Variants in KCNE2 observed in about 807,000 individuals in gnomAD.
KCNE2 encodes potassium voltage-gated channel subfamily E member 2.
In KCNE2, 4 loss-of-function variants were observed where a neutral mutation model predicts 4.5. That is an observed-to-expected ratio of 0.89 (90% CI 0.44 to 2.03). The LOEUF is 2.03. KCNE2 is among the 30% of genes most tolerant of loss of function. The pLI is 0.03. For synonymous variants in KCNE2, 57 were observed against 55.9 expected (o/e 1.02, Z -0.09); for missense variants, 137 against 151.4 (o/e 0.90, Z 0.50).
At chr21:34,367,003 GA>G (rs1157856727) in intron 1 of KCNE2, among the ~76,000 whole-genome samples, 1 of 130,620 alleles carries the variant, frequency 7.7e-6, no homozygotes, top group Non-Finnish European at 1.6e-5. Flanking sequence ...AAAAAAAAAG[GA>G]AAAAAACAAA....
chr21:34,365,699 A>G (rs1359814609), intron 1 of KCNE2, among the ~76,000 whole-genome samples: 1 of 152,244 alleles, frequency 6.6e-6, no homozygotes, highest in African/African-American at 2.4e-5. Flanking sequence ...TGCTGGGATT[A>G]CAGGTGTGAA....
At chr21:34,367,702 T>C (rs962250858) in intron 1 of KCNE2, among the ~76,000 whole-genome samples, 9 of 152,360 alleles carry the variant, frequency 5.9e-5, no homozygotes, top group Middle Eastern at 3.4e-3. Flanking sequence ...ATTCAGCTGA[T>C]TGAAATTCCT....
intron 1 of KCNE2, among the ~76,000 whole-genome samples, chr21:34,368,607 C>A (rs529094576): frequency 6.6e-6 from 1 of 152,044 alleles, no homozygotes; most frequent in South Asian, 2.1e-4. Context: ...CTCAAAAAAA[C>A]AAAAAATTTT....
chr21:34,370,192 T>A (rs1405569930), intron 1 of KCNE2, among the ~76,000 whole-genome samples: 2 of 152,248 alleles, frequency 1.3e-5, no homozygotes, highest in Non-Finnish European at 2.9e-5. Flanking sequence ...ACACATACAT[T>A]TATTTACATG....
intron 1 of KCNE2, among the ~76,000 whole-genome samples, chr21:34,367,794 G>A (rs926265772): frequency 2.0e-5 from 3 of 152,160 alleles, no homozygotes; most frequent in African/African-American, 7.2e-5. Context: ...TCTTTAGAAC[G>A]GCAGCAGGCA....
chr21:34,366,547 A>G (rs1479784189), intron 1 of KCNE2, among the ~76,000 whole-genome samples: 1 of 152,136 alleles, frequency 6.6e-6, no homozygotes, highest in East Asian at 1.9e-4. Context: ...TGAGTAAAGC[A>G]ATCCCTGCCT....
intron 1 of KCNE2, among the ~76,000 whole-genome samples, chr21:34,366,690 G>A (rs534361386): frequency 3.3e-5 from 5 of 151,894 alleles, no homozygotes; most frequent in African/African-American, 9.7e-5. Flanking sequence ...ATTCAAAAAC[G>A]AAAACAAGGC....
intron 1 of KCNE2, among the ~76,000 whole-genome samples, chr21:34,366,498 T>C (rs1979297360): frequency 6.6e-6 from 1 of 151,956 alleles, no homozygotes; most frequent in Admixed American, 6.6e-5. Flanking sequence ...AAAGATTTGC[T>C]ACGTACCCAT....
At chr21:34,365,060 C>A (rs1979235949) in intron 1 of KCNE2, among the ~76,000 whole-genome samples, 1 of 152,196 alleles carries the variant, frequency 6.6e-6, no homozygotes, top group African/African-American at 2.4e-5. Flanking sequence ...ACAGTCAGTG[C>A]TGGACACTGG....
chr21:34,368,599 C>CA (rs1388013210), intron 1 of KCNE2, among the ~76,000 whole-genome samples: 2 of 151,674 alleles, frequency 1.3e-5, no homozygotes, highest in Admixed American at 6.6e-5. Flanking sequence ...GACTCCGTCT[C>CA]AAAAAAACAA....
intron 1 of KCNE2, 92 bp from the exon 2 acceptor site, chr21:34,370,375 C>T (rs1979519835): frequency 2.8e-6 from 4 of 1,446,048 alleles, no homozygotes; most frequent in East Asian, 2.3e-5. Flanking sequence ...ATTACTTATA[C>T]CCTGGCATCT....
chr21:34,365,308 T>C (rs943609829), intron 1 of KCNE2, among the ~76,000 whole-genome samples: 4 of 152,246 alleles, frequency 2.6e-5, no homozygotes, highest in African/African-American at 7.2e-5. Context: ...TTCTAACCTA[T>C]ATAAATGGCT....
chr21:34,367,440 T>G (rs2032108), intron 1 of KCNE2, among the ~76,000 whole-genome samples: 7,109 of 152,298 alleles, frequency 0.047, 530 homozygotes, highest in African/African-American at 0.16. Context: ...TCTGTTACAT[T>G]GCTTAGGAAA....
chr21:34,370,593 GC>G lies in KCNE2; in HGVS notation c.117del (p.Val41LeufsTer15), dbSNP rs1979536230. On this transcript the variant is annotated frameshift_variant, in exon 2 of 2. Transcript: ENST00000290310. LOFTEE classifies it high-confidence loss of function. ...AACAGCTGAGCAAGAGGCCCTCCAA[GC>G]CAAAGTTGATGCTGAGAACTTCTAC... is the stretch of plus-strand genomic sequence containing the variant. Reference protein sequence around the residue: ...NTTAEQEALQAKVDAENFYYV... With the variant: ...NTTAEQEALQXKVDAENFYYV... 6.2e-7 allele frequency: 1 copy of G among 1,614,176 alleles called. No homozygotes were observed. The highest frequency in any genetic ancestry group is 8.5e-7 in the Non-Finnish European group (1 of 1,180,032).
At chr21:34,365,684 C>T (rs1037831772) in intron 1 of KCNE2, among the ~76,000 whole-genome samples, 7 of 152,240 alleles carry the variant, frequency 4.6e-5, no homozygotes, top group African/African-American at 9.6e-5. Flanking sequence ...CTCGGCCTCC[C>T]GAAGTGCTGG....
At chr21:34,366,900 A>G (rs865979997) in intron 1 of KCNE2, among the ~76,000 whole-genome samples, 1 of 139,042 alleles carries the variant, frequency 7.2e-6, no homozygotes, top group Non-Finnish European at 1.5e-5. Flanking sequence ...AATGGCGTAA[A>G]CCCGGGAGGC....
chr21:34,370,766 C>T lies in KCNE2; in HGVS notation c.288C>T (p.Tyr96=). The T allele has an allele frequency of 1.2e-6, 2 of 1,614,196 alleles. No individual in the cohort carries two copies. The highest frequency in any genetic ancestry group is 2.2e-5 in the South Asian group (2 of 91,086). ...QYIVEDWQEK[Y]KSQILNLEES... ...TTGTAGAGGACTGGCAGGAAAAGTACAAGAGCCAAATCTTGAATCTAGAAG... is the reference window on the plus strand; with the variant it reads ...TTGTAGAGGACTGGCAGGAAAAGTATAAGAGCCAAATCTTGAATCTAGAAG... Residue 96 remains tyrosine, a synonymous_variant, in exon 2 of 2, where the codon TAC becomes TAT. Transcript: ENST00000290310.
chr21:34,364,922 G>A (rs4816481), intron 1 of KCNE2, among the ~76,000 whole-genome samples: 78,124 of 152,010 alleles, frequency 0.51, 22,110 homozygotes, highest in East Asian at 0.76. Flanking sequence ...GTAGCCTGGA[G>A]ACAGGGCACA....
At position 34,370,619 on chromosome 21, in the gene KCNE2, C is replaced by T. The variant is rs779623946; in HGVS notation, c.141C>T (p.Tyr47=). The T allele has an allele frequency of 2.4e-5, 39 of 1,614,092 alleles. No individual in the cohort carries two copies. The highest frequency in any genetic ancestry group is 6.6e-5 in the South Asian group (6 of 91,092). Residue 47 remains tyrosine, a synonymous_variant, in exon 2 of 2, where the codon TAC becomes TAT. Transcript: ENST00000290310. ...CCAAAGTTGATGCTGAGAACTTCTACTATGTCATCCTGTACCTCATGGTGA... is the reference window on the plus strand; with the variant it reads ...CCAAAGTTGATGCTGAGAACTTCTATTATGTCATCCTGTACCTCATGGTGA... The part of the protein sequence containing the change: ...LQAKVDAENF[Y]YVILYLMVMI...
Sources: gnomAD v4.1 joint callset for allele counts (sites outside exome capture counted in the v4.1 genomes callset) on GRCh38, gnomAD v4.1.1 for gene constraint, MANE v1.5 for transcripts, NCBI Gene and HGNC (gene_info 2026-07-23, HGNC 2026-07-21) for gene names.